AOPEP: variants seen among roughly 807,000 people sequenced by gnomAD.
AOPEP encodes the protein aminopeptidase O.
A neutral mutation model predicts 98.1 loss-of-function variants in AOPEP; 77 were observed. That is an observed-to-expected ratio of 0.78 (90% CI 0.65 to 0.95). AOPEP has a LOEUF of 0.95. Among genes scored for constraint, AOPEP ranks in the 40% least tolerant of loss-of-function variants. The pLI, the probability that AOPEP is intolerant of heterozygous loss-of-function variation, is 0.00. For missense variants in AOPEP, 1,024 were observed against 1,024.7 expected (o/e 1.00, Z 0.01); for synonymous variants, 346 against 365.3 (o/e 0.95, Z 0.60).
intron 5 of AOPEP, among the ~76,000 whole-genome samples, chr9:94,914,487 T>G (rs2052517738): frequency 1.3e-5 from 2 of 151,670 alleles, no homozygotes; most frequent in Admixed American, 6.6e-5. Flanking sequence ...ATTATTGTTC[T>G]TAGGAAATGA....
At chr9:94,995,304 A>T (rs996838759) in intron 11 of AOPEP, among the ~76,000 whole-genome samples, 1 of 152,198 alleles carries the variant, frequency 6.6e-6, no homozygotes, top group African/African-American at 2.4e-5. Flanking sequence ...GAGGGGAAAG[A>T]GGAAGGGATT....
At chr9:94,952,896 A>G (rs2058204078) in intron 7 of AOPEP, among the ~76,000 whole-genome samples, 1 of 152,256 alleles carries the variant, frequency 6.6e-6, no homozygotes, top group African/African-American at 2.4e-5. Flanking sequence ...AGAGTTAGAG[A>G]GGGATGCTTT....
chr9:94,808,259 C>G (rs1396652672), intron 5 of AOPEP, among the ~76,000 whole-genome samples: 2 of 152,154 alleles, frequency 1.3e-5, no homozygotes, highest in Non-Finnish European at 2.9e-5. Context: ...AGGCTGGTCA[C>G]GAACTCCTGA....
chr9:94,816,736 T>G (rs188873096), intron 5 of AOPEP, among the ~76,000 whole-genome samples: 6 of 152,106 alleles, frequency 3.9e-5, no homozygotes, highest in Admixed American at 1.3e-4. Context: ...TAGACCTAGG[T>G]CTGGGTTAGG....
chr9:95,105,871 C>T, the AOPEP span, among the ~76,000 whole-genome samples: 5 of 152,228 alleles, frequency 3.3e-5, no homozygotes, highest in African/African-American at 7.2e-5. Flanking sequence ...CATTGCTTGT[C>T]CCTCTACAGG....
intron 5 of AOPEP, among the ~76,000 whole-genome samples, chr9:94,922,377 G>A (rs984458857): frequency 6.6e-6 from 1 of 152,232 alleles, no homozygotes; most frequent in African/African-American, 2.4e-5. Context: ...CCCTGCCCAC[G>A]CAGGCTTGCC....
chr9:94,776,420 G>A (rs1209402980), intron 3 of AOPEP, among the ~76,000 whole-genome samples: 1 of 152,154 alleles, frequency 6.6e-6, no homozygotes, highest in East Asian at 1.9e-4. Flanking sequence ...TCCTGCCTCA[G>A]CCTCCCGAGT....
At chr9:94,758,536 T>C (rs535662910) in intron 1 of AOPEP, among the ~76,000 whole-genome samples, 1 of 151,242 alleles carries the variant, frequency 6.6e-6, no homozygotes, top group African/African-American at 2.4e-5. Flanking sequence ...TGAGGAGGAG[T>C]TAGGATACAA....
At chr9:94,897,117 A>T (rs1361342704) in intron 5 of AOPEP, among the ~76,000 whole-genome samples, 1 of 152,070 alleles carries the variant, frequency 6.6e-6, no homozygotes, top group African/African-American at 2.4e-5. Flanking sequence ...AAATGTGAGG[A>T]TGAATGGGAA....
intron 5 of AOPEP, among the ~76,000 whole-genome samples, chr9:94,848,526 G>A (rs985749168): frequency 6.6e-6 from 1 of 150,784 alleles, no homozygotes; most frequent in Non-Finnish European, 1.5e-5. Context: ...GGAGGCTGAA[G>A]CAGGAGAATC....
intron 13 of AOPEP, among the ~76,000 whole-genome samples, chr9:95,013,728 T>G (rs757455865): frequency 2.6e-5 from 4 of 152,206 alleles, no homozygotes; most frequent in Non-Finnish European, 4.4e-5. Context: ...TTTGTGCTGT[T>G]TATACCTGAA....
chr9:95,143,153 T>C, the AOPEP span, among the ~76,000 whole-genome samples: 38 of 152,334 alleles, frequency 2.5e-4, no homozygotes, highest in South Asian at 6.6e-3. Context: ...TACCAATTTA[T>C]TCTGAAAGAT....
chr9:94,885,325 G>T (rs2048087106), intron 5 of AOPEP, among the ~76,000 whole-genome samples: 1 of 111,354 alleles, frequency 9.0e-6, no homozygotes, highest in Non-Finnish European at 1.7e-5. Flanking sequence ...CTGCAGCCTG[G>T]GTGACAGAGT....
In AOPEP at chr9:94,988,139, C is replaced by A. The variant is rs530406479; in HGVS notation, c.1977+8712C>A. On this transcript the variant is annotated intron_variant, in intron 11 of 16. Coordinates refer to ENST00000375315, the MANE Select transcript of AOPEP (RefSeq NM_001193329.3). The stretch of plus-strand genomic sequence containing the variant: ...TTTACATGGATACTTCTAAAAACAG[C>A]ATTAAGTATCTAGATAACCAATGGT... 2.3e-3 allele frequency among the ~76,000 whole-genome samples: 346 copies of A among 152,282 alleles called. 2 individuals carry two copies. Among genetic ancestry groups the A allele is most frequent in the African/African-American group, 7.9e-3 (327 of 41,560 alleles).
At chr9:94,852,156 A>G (rs1372402609) in intron 5 of AOPEP, among the ~76,000 whole-genome samples, 1 of 152,196 alleles carries the variant, frequency 6.6e-6, no homozygotes, top group Non-Finnish European at 1.5e-5. Context: ...CATCTTAGGC[A>G]GTTATCCTCA....
chr9:94,791,598 A>G (rs968837327), intron 3 of AOPEP, among the ~76,000 whole-genome samples: 3 of 151,964 alleles, frequency 2.0e-5, no homozygotes, highest in East Asian at 1.9e-4. Flanking sequence ...GAGACATTGG[A>G]TATTGGGTAT....
rs567820580 is a variant in AOPEP, at chr9:94,764,359, T to C, written c.797+3779T>C. On this transcript the variant is annotated intron_variant, in intron 2 of 16. Coordinates refer to ENST00000375315, the MANE Select transcript of AOPEP (RefSeq NM_001193329.3). The stretch of plus-strand genomic sequence containing the variant: ...GACATGATGATTAAAAGCAATGTGG[T>C]GTCCTGGCCGGGTGCAGTGGCTCAC... 5.3e-4 allele frequency among the ~76,000 whole-genome samples: 80 copies of C among 152,274 alleles called. 1 individual carries two copies. The highest frequency in any genetic ancestry group is 9.8e-4 in the Admixed American group (15 of 15,296).
At position 94,883,177 on chromosome 9, in the gene AOPEP, G is replaced by A. The variant is rs75435467; in HGVS notation, c.1365-40809G>A. ...ATTGGCTCTGCAGGTGCCCCGCTTCGTTGCCTGCTGTTCCAAGGAGTCACT... is the reference window on the plus strand; with the variant it reads ...ATTGGCTCTGCAGGTGCCCCGCTTCATTGCCTGCTGTTCCAAGGAGTCACT... On this transcript the variant is annotated intron_variant, in intron 5 of 16. Coordinates refer to ENST00000375315, the MANE Select transcript of AOPEP (RefSeq NM_001193329.3). Among the ~76,000 whole-genome samples the A allele has an allele frequency of 4.9e-4, 74 of 152,250 alleles. 2 individuals carry two copies. The East Asian group carries it at 0.011, about 23-fold the overall frequency.
At position 94,760,186 on chromosome 9, in the gene AOPEP, G is replaced by C. The variant is rs149504659; in HGVS notation, c.403G>C (p.Gly135Arg). ...ISSSKYCCDT[G>R]NHGSEDFLLV... Reference sequence around the variant, plus strand: ...TAGCTCAAAGTACTGCTGTGACACAGGGAATCATGGGAGTGAGGATTTTTT... The same window carrying C: ...TAGCTCAAAGTACTGCTGTGACACACGGAATCATGGGAGTGAGGATTTTTT... Residue 135 changes from glycine (G) to arginine (R), a missense_variant, in exon 2 of 17, where the codon GGG becomes CGG. By Grantham distance (125) the Gly-to-Arg change is moderately radical (BLOSUM62 -2). This residue lies in a region of AOPEP where 440 missense variants were observed against 433.8 expected (regional missense o/e 1.01). Transcript: ENST00000375315. 3 of 1,614,070 alleles carry C rather than the reference G, an allele frequency of 1.9e-6. No individual in the cohort carries two copies. The African/African-American group carries it at 4.0e-5, about 22-fold the overall frequency.
Sources: allele counts gnomAD v4.1 joint callset (sites outside exome capture counted in the v4.1 genomes callset), GRCh38; gene constraint gnomAD v4.1.1; regional missense constraint gnomAD v4.1.1; transcripts MANE v1.5; gene names NCBI Gene and HGNC (gene_info 2026-07-23, HGNC 2026-07-21).